KIF21A: variants seen among roughly 807,000 people sequenced by gnomAD.
KIF21A encodes kinesin-like protein KIF21A.
In KIF21A, 114 loss-of-function variants were observed where a neutral mutation model predicts 202.9. The ratio of observed to expected loss-of-function variants is 0.56; its 90% CI spans 0.48 to 0.66. The LOEUF is 0.66. Ranked by LOEUF, KIF21A falls within the 30% of genes least tolerant of loss-of-function variation. KIF21A has a pLI of 0.00. For synonymous variants in KIF21A, 667 were observed against 670.8 expected (o/e 0.99, Z 0.09); for missense variants, 1,677 against 1,994.9 (o/e 0.84, Z 3.04).
intron 1 of KIF21A, among the ~76,000 whole-genome samples, chr12:39,389,179 TACACACACAC>T (rs10632410): frequency 1.3e-4 from 18 of 142,166 alleles, no homozygotes; most frequent in African/African-American, 3.8e-4. Context: ...TAAATACACA[TACACACACAC>T]ACACACACAC....
rs1555172725 is a variant in KIF21A at position 39,355,707 on chromosome 12, T to TTATACATATATATATA, written c.1469+1124_1469+1125insTATATATATATGTATA. Among the ~76,000 whole-genome samples, 94 of 101,226 alleles carry TTATACATATATATATA rather than the reference T, an allele frequency of 9.3e-4. 6 individuals are homozygous for TTATACATATATATATA. The highest frequency in any genetic ancestry group is 4.3e-3 in the African/African-American group (88 of 20,626). The allele number at this position is 101,226 out of a possible 152,430, so 66.4% of individuals were successfully genotyped here. A position where few individuals can be genotyped will look rare whatever the true frequency, so the allele number is the denominator to read the frequency against. ...TACCAAAAACATGAAGCATGAACAA[T>TTATACATATATATATA]TATATATATATATATATATATATAT... On this transcript the variant is annotated intron_variant, in intron 10 of 37. Transcript: ENST00000361418.
rs200140335 is a variant in KIF21A at position 39,370,200 on chromosome 12, G to T, written c.106C>A (p.Pro36Thr). 2 of 1,613,502 alleles carry T rather than the reference G, an allele frequency of 1.2e-6. No individual in the cohort carries two copies. The highest frequency in any genetic ancestry group is 1.7e-6 in the Non-Finnish European group (2 of 1,179,714). The part of the protein sequence containing the change: ...EGCHICTSVT[P>T]GEPQVFLGKD... ...CCTAGGAAGACCTGAGGCTCTCCTG[G>T]TGTGACAGATGTACAAATATGGCAT... Residue 36 changes from proline (P) to threonine (T), a missense_variant, in exon 2 of 38, where the codon CCA (proline) becomes ACA (threonine). Transcript: ENST00000361418.
At chr12:39,392,595 A>C (rs1951451086) in intron 1 of KIF21A, among the ~76,000 whole-genome samples, 1 of 152,016 alleles carries the variant, frequency 6.6e-6, no homozygotes. Flanking sequence ...AAGTGAAATA[A>C]ATGGCAGTAA....
chr12:39,389,211 CAT>C (rs1555186624), intron 1 of KIF21A, among the ~76,000 whole-genome samples: 9 of 149,974 alleles, frequency 6.0e-5, no homozygotes, highest in South Asian at 2.3e-4. Context: ...CACACACACA[CAT>C]ATATACATAC....
chr12:39,408,462 T>C (rs889386809), intron 1 of KIF21A, among the ~76,000 whole-genome samples: 2 of 152,112 alleles, frequency 1.3e-5, no homozygotes, highest in Non-Finnish European at 2.9e-5. Flanking sequence ...GGCCACAGAC[T>C]GTTACCAGTC....
At chr12:39,342,951 C>T (rs1947567232) in intron 12 of KIF21A, among the ~76,000 whole-genome samples, 1 of 152,136 alleles carries the variant, frequency 6.6e-6, no homozygotes, top group South Asian at 2.1e-4. Flanking sequence ...CCAAATAACT[C>T]GAATCCTTTG....
Position 39,309,702 on chromosome 12 carries a change from G to A in KIF21A, c.4161C>T (p.Pro1387=). 1 of 1,613,274 alleles carries A rather than the reference G, an allele frequency of 6.2e-7. No individual in the cohort carries two copies. The highest frequency in any genetic ancestry group is 8.5e-7 in the Non-Finnish European group (1 of 1,179,650). The change falls in exon 33 of 38, where the codon CCC becomes CCT. Residue 1387 remains proline, a synonymous_variant. Transcript: ENST00000361418. ...AGTATTTTACAGACACGACATTGTTGGGATGACCCCCCAGTGACATTATTT... is the reference window on the plus strand; with the variant it reads ...AGTATTTTACAGACACGACATTGTTAGGATGACCCCCCAGTGACATTATTT... ...GQEIMSLGGH[P]NNVVSVKYCN...
At position 39,311,920 on chromosome 12, in the gene KIF21A, A is replaced by G. The variant is rs1476990382; in HGVS notation, c.3960-367T>C. On this transcript the variant is annotated intron_variant, in intron 31 of 37. Coordinates refer to ENST00000361418, the MANE Select transcript of KIF21A (RefSeq NM_001173464.2). ...CAGAAATGACAAATAACAGGAAAAC[A>G]TAATTCTATGTCAAACTGGTGTGTA... 7 of 238,184 alleles carry G rather than the reference A, an allele frequency of 2.9e-5. No homozygotes were observed. The Admixed American group carries it at 3.5e-4, about 12-fold the overall frequency. 14.8% of individuals were successfully genotyped at this position (238,184 alleles called of 1,614,324 possible).
rs918957606 is a variant in KIF21A, at chr12:39,443,108, A to G, written c.-138T>C. 3.6e-6 allele frequency: 3 copies of G among 826,310 alleles called. No individual in the cohort carries two copies. The African/African-American group carries it at 5.5e-5, about 15-fold the overall frequency. The allele number at this position is 826,310 out of a possible 1,614,324, so 51.2% of individuals were successfully genotyped here. On this transcript the variant is annotated 5_prime_UTR_variant, in exon 1 of 38. The change abolishes an upstream ATG in the 5' untranslated region. Transcript: ENST00000361418. ...GGCTCACCTCCGCCGCGCTCCAGCC[A>G]TGTTGGGCGACTGAATGGAAAGGTG...
intron 1 of KIF21A, among the ~76,000 whole-genome samples, chr12:39,392,697 G>C (rs1316919668): frequency 6.6e-6 from 1 of 151,488 alleles, no homozygotes; most frequent in East Asian, 1.9e-4. Flanking sequence ...TGTTGGTTGA[G>C]AGCATTTGCA....
intron 13 of KIF21A, 75 bp downstream of exon 13, chr12:39,341,959 G>A (rs1420440517): frequency 3.1e-6 from 3 of 969,226 alleles, no homozygotes; most frequent in African/African-American, 3.2e-5. Flanking sequence ...CTACAAGTAA[G>A]TTAGTAAGTT....
chr12:39,387,985 G>A (rs922623554), intron 1 of KIF21A, among the ~76,000 whole-genome samples: 19 of 152,256 alleles, frequency 1.2e-4, no homozygotes, highest in African/African-American at 4.3e-4. Context: ...CTGACTAAAA[G>A]GCTGCAAGAA....
chr12:39,350,254 C>T (rs1948254713), intron 11 of KIF21A, among the ~76,000 whole-genome samples: 1 of 151,800 alleles, frequency 6.6e-6, no homozygotes, highest in Non-Finnish European at 1.5e-5. Flanking sequence ...GTCACAACCG[C>T]TATTAAAATG....
At chr12:39,337,042 A>C (rs565427474) in intron 17 of KIF21A, 54 bp downstream of exon 17, 2 of 1,243,768 alleles carry the variant, frequency 1.6e-6, no homozygotes, top group East Asian at 4.7e-5. Context: ...TTTATTAAAC[A>C]ATCTTTTTCA....
intron 37 of KIF21A, among the ~76,000 whole-genome samples, chr12:39,298,825 A>T (rs1942671220): frequency 6.6e-6 from 1 of 152,206 alleles, no homozygotes; most frequent in African/African-American, 2.4e-5. Context: ...AATGACAGGT[A>T]TGATGAAATT....
chr12:39,325,631 G>A (rs1945818540), intron 26 of KIF21A, among the ~76,000 whole-genome samples: 1 of 151,100 alleles, frequency 6.6e-6, no homozygotes, highest in Non-Finnish European at 1.5e-5. Context: ...ATGAGCCACC[G>A]TATCTGGCCA....
chr12:39,341,986 A>T (rs766062218), intron 13 of KIF21A, 48 bp downstream of exon 13: 1 of 1,334,540 alleles, frequency 7.5e-7, no homozygotes, highest in South Asian at 1.2e-5. Flanking sequence ...AACCAAGAAC[A>T]ACCAAACCTG....
intron 10 of KIF21A, among the ~76,000 whole-genome samples, chr12:39,353,594 A>G (rs907863779): frequency 6.6e-6 from 1 of 152,152 alleles, no homozygotes; most frequent in African/African-American, 2.4e-5. Flanking sequence ...GAATGCTAAG[A>G]ATGCATGAAA....
rs1566263413 is a variant in KIF21A at position 39,416,603 on chromosome 12, A to ATATATATATATATGTACATATATATGTG, written c.44+26296_44+26323dup. ...AGAGTGAGATCCGCCTTAAATATAC[A>ATATATATATATATGTACATATATATGTG]TATATATATATATGTACATATATAT... On this transcript the variant is annotated intron_variant, in intron 1 of 37. Transcript: ENST00000361418. Among the ~76,000 whole-genome samples, 496 of 64,250 alleles carry ATATATATATATATGTACATATATATGTG rather than the reference A, an allele frequency of 7.7e-3. 12 individuals are homozygous for ATATATATATATATGTACATATATATGTG. The highest frequency in any genetic ancestry group is 9.5e-3 in the Non-Finnish European group (374 of 39,176). The allele number at this position is 64,250 out of a possible 152,430, so 42.2% of individuals were successfully genotyped here.
Sources: allele counts gnomAD v4.1 joint callset (sites outside exome capture counted in the v4.1 genomes callset), GRCh38; gene constraint gnomAD v4.1.1; transcripts MANE v1.5; gene names NCBI Gene and HGNC (gene_info 2026-07-23, HGNC 2026-07-21).